CCR5AS: variants seen among roughly 807,000 people sequenced by gnomAD.
CCR5AS encodes CCR5 antisense RNA.
intron 1 of CCR5AS, among the ~76,000 whole-genome samples, chr3:46,401,266 T>A (rs1321692762): frequency 6.6e-6 from 1 of 152,110 alleles, no homozygotes; most frequent in East Asian, 1.9e-4. Flanking sequence ...GGGATCGAAA[T>A]GCTGCAAAGT....
intron 2 of CCR5AS, among the ~76,000 whole-genome samples, chr3:46,379,972 C>T (rs1559571066): frequency 2.0e-5 from 3 of 152,080 alleles, no homozygotes; most frequent in Non-Finnish European, 4.4e-5. Flanking sequence ...GAGCAGAAAG[C>T]AGGCACTTTG....
intron 3 of CCR5AS, among the ~76,000 whole-genome samples, chr3:46,367,014 A>C (rs1293709585): frequency 6.6e-6 from 1 of 152,222 alleles, no homozygotes; most frequent in Non-Finnish European, 1.5e-5. Flanking sequence ...CCCGACTGTC[A>C]ATGACGGAGC....
intron 2 of CCR5AS, among the ~76,000 whole-genome samples, chr3:46,390,709 G>A (rs1345145502): frequency 6.6e-6 from 1 of 152,094 alleles, no homozygotes. Flanking sequence ...GAATACTCAG[G>A]GAAGCAGATA....
intron 1 of CCR5AS, among the ~76,000 whole-genome samples, chr3:46,399,234 A>G (rs1575288026): frequency 6.6e-6 from 1 of 152,182 alleles, no homozygotes; most frequent in East Asian, 1.9e-4. Context: ...TATTGTCTGT[A>G]GTAATGGAGA....
At chr3:46,365,236 T>A (rs1447313107) in intron 3 of CCR5AS, among the ~76,000 whole-genome samples, 2 of 152,042 alleles carry the variant, frequency 1.3e-5, no homozygotes, top group Admixed American at 6.5e-5. Flanking sequence ...CAAATTGCAT[T>A]GTCATCTTAT....
chr3:46,387,427 C>T (rs1701873839), intron 2 of CCR5AS, among the ~76,000 whole-genome samples: 1 of 152,226 alleles, frequency 6.6e-6, no homozygotes, highest in Non-Finnish European at 1.5e-5. Flanking sequence ...CTTCTTGCAA[C>T]TTGTGCCTGA....
intron 2 of CCR5AS, among the ~76,000 whole-genome samples, chr3:46,388,074 A>C (rs1036908944): frequency 5.3e-5 from 8 of 151,932 alleles, no homozygotes; most frequent in Non-Finnish European, 7.4e-5. Flanking sequence ...TGGATGTATA[A>C]GCGCAGGTCA....
chr3:46,365,587 C>G (rs184295809), intron 3 of CCR5AS, among the ~76,000 whole-genome samples: 1 of 152,284 alleles, frequency 6.6e-6, no homozygotes, highest in East Asian at 1.9e-4. Context: ...GTGCCTGAAC[C>G]TCTTTAGCTA....
At chr3:46,394,837 T>G (rs1371874399) in intron 1 of CCR5AS, among the ~76,000 whole-genome samples, 1 of 152,140 alleles carries the variant, frequency 6.6e-6, no homozygotes, top group Non-Finnish European at 1.5e-5. Context: ...GAAATGGGGC[T>G]GGAACCTGGG....
intron 1 of CCR5AS, among the ~76,000 whole-genome samples, chr3:46,396,094 C>A (rs1395655565): frequency 6.6e-6 from 1 of 152,196 alleles, no homozygotes; most frequent in East Asian, 1.9e-4. Flanking sequence ...CAAACCCTTT[C>A]CTGCACAGTT....
chr3:46,378,768 A>G (rs1210806646), intron 2 of CCR5AS, among the ~76,000 whole-genome samples: 1 of 152,208 alleles, frequency 6.6e-6, no homozygotes, highest in South Asian at 2.1e-4. Context: ...CATTCGGGGT[A>G]CAGGTTGATG....
chr3:46,384,474 T>C (rs1701841692), intron 2 of CCR5AS, among the ~76,000 whole-genome samples: 1 of 152,234 alleles, frequency 6.6e-6, no homozygotes, highest in Non-Finnish European at 1.5e-5. Flanking sequence ...TGCAGCCCAA[T>C]TTTACAGGTT....
intron 2 of CCR5AS, chr3:46,373,677 AC>A (rs1343519561): frequency 3.7e-6 from 6 of 1,613,956 alleles, no homozygotes; most frequent in Non-Finnish European, 5.1e-6. Flanking sequence ...TCTCCTGAAC[AC>A]CTTCCAGGAA....
At chr3:46,394,612 T>C (rs952473403) in intron 1 of CCR5AS, among the ~76,000 whole-genome samples, 1 of 152,100 alleles carries the variant, frequency 6.6e-6, no homozygotes, top group Non-Finnish European at 1.5e-5. Context: ...CAGCGAGACG[T>C]CCTGAGATTC....
At chr3:46,372,359 T>A (rs2106744325) in intron 2 of CCR5AS, among the ~76,000 whole-genome samples, 1 of 152,166 alleles carries the variant, frequency 6.6e-6, no homozygotes, top group Admixed American at 6.5e-5. Flanking sequence ...AGTGTGATCT[T>A]GTATCTATAA....
intron 2 of CCR5AS, among the ~76,000 whole-genome samples, chr3:46,387,172 GT>G (rs1220725797): frequency 3.9e-5 from 6 of 152,136 alleles, no homozygotes; most frequent in African/African-American, 1.4e-4. Flanking sequence ...TTCTAAGTGT[GT>G]ACTACCCAAG....
intron 2 of CCR5AS, among the ~76,000 whole-genome samples, chr3:46,379,862 A>C (rs1701801422): frequency 6.6e-6 from 1 of 152,054 alleles, no homozygotes; most frequent in Admixed American, 6.5e-5. Context: ...TAGCCACTGC[A>C]CTCCAGCCTG....
chr3:46,386,912 G>A (rs182020330), intron 2 of CCR5AS, among the ~76,000 whole-genome samples: 8 of 152,258 alleles, frequency 5.3e-5, no homozygotes, highest in Admixed American at 2.0e-4. Context: ...GGAGCATAGA[G>A]GAAACAGTGT....
At chr3:46,382,425 C>T (rs866928968) in intron 2 of CCR5AS, among the ~76,000 whole-genome samples, 2 of 151,142 alleles carry the variant, frequency 1.3e-5, no homozygotes, top group Admixed American at 6.6e-5. Context: ...CCCTCCTGCA[C>T]GAGAGACCTT....
Sources: gnomAD v4.1 joint callset for allele counts (sites outside exome capture counted in the v4.1 genomes callset) on GRCh38, gnomAD v4.1.1 for gene constraint, MANE v1.5 for transcripts, NCBI Gene and HGNC (gene_info 2026-07-23, HGNC 2026-07-21) for gene names.